Variants in EIF2AK3 observed in about 807,000 individuals in gnomAD.
The protein encoded by EIF2AK3 is eukaryotic translation initiation factor 2-alpha kinase 3.
A neutral mutation model predicts 113.5 loss-of-function variants in EIF2AK3; 50 were observed. That is an observed-to-expected ratio of 0.44 (90% CI 0.35 to 0.56). EIF2AK3 has a LOEUF of 0.56. Among genes scored for constraint, EIF2AK3 ranks in the 20% least tolerant of loss-of-function variants. The pLI, the probability that EIF2AK3 is intolerant of heterozygous loss-of-function variation, is 0.00. For missense variants in EIF2AK3, 1,185 were observed against 1,378.0 expected, an observed-to-expected ratio of 0.86 and a Z score of 2.22; for synonymous variants, 448 against 495.4, an observed-to-expected ratio of 0.90 and a Z score of 1.27.
chr2:88,602,356 G>A (rs1214242519), intron 2 of EIF2AK3, among the ~76,000 whole-genome samples: 1 of 152,058 alleles, frequency 6.6e-6, no homozygotes, highest in Non-Finnish European at 1.5e-5. Context: ...CCCTAACCAG[G>A]AACACACTGG....
intron 12 of EIF2AK3, 34 bp downstream of exon 12, chr2:88,576,520 C>T: frequency 6.2e-7 from 1 of 1,612,552 alleles, no homozygotes. Flanking sequence ...AAGCAAAAAA[C>T]TAGCTTAAGT....
rs749626188 is a variant in EIF2AK3 at position 88,590,903 on chromosome 2, A to T, written c.917T>A (p.Met306Lys). The T allele has an allele frequency of 6.2e-7, 1 of 1,614,078 alleles. No homozygotes were observed. Among genetic ancestry groups the T allele is most frequent in the Non-Finnish European group, 8.5e-7 (1 of 1,179,988 alleles). Residue 306 changes from methionine (M) to lysine (K), a missense_variant, in exon 5 of 17, where the codon ATG becomes AAG. Coordinates refer to ENST00000303236, the MANE Select transcript of EIF2AK3 (RefSeq NM_004836.7). ...SDVEEQEAAI[M>K]DIVIKVSVAD... ...AACCGAAACCTTTATCACTATGTCC[A>T]TTATGGCAGCTTCCTGTTCTTCCAC...
chr2:88,591,858 T>C (rs1420030810), intron 4 of EIF2AK3, among the ~76,000 whole-genome samples: 1 of 152,146 alleles, frequency 6.6e-6, no homozygotes, highest in Admixed American at 6.5e-5. Context: ...CATCTGCTGC[T>C]ATGGTGGCTG....
At chr2:88,590,736 A>G in intron 5 of EIF2AK3, 82 bp downstream of exon 5, 1 of 1,571,192 alleles carries the variant, frequency 6.4e-7, no homozygotes, top group Non-Finnish European at 8.8e-7. Context: ...AAGTAGTAGT[A>G]ATTTCGTTCC....
intron 10 of EIF2AK3, among the ~76,000 whole-genome samples, chr2:88,582,462 G>A (rs922046480): frequency 1.3e-5 from 2 of 152,148 alleles, no homozygotes; most frequent in Non-Finnish European, 2.9e-5. Context: ...CGGCTGAGGT[G>A]TTGTTCTCCA....
intron 1 of EIF2AK3, among the ~76,000 whole-genome samples, chr2:88,617,755 C>CAAA (rs34207001): frequency 4.1e-5 from 6 of 145,436 alleles, no homozygotes; most frequent in African/African-American, 1.3e-4. Flanking sequence ...GACTCCATCT[C>CAAA]AAAAAAAAAA....
At chr2:88,609,704 G>A (rs1675380832) in intron 2 of EIF2AK3, among the ~76,000 whole-genome samples, 1 of 151,950 alleles carries the variant, frequency 6.6e-6, no homozygotes, top group Non-Finnish European at 1.5e-5. Flanking sequence ...AAGTCAACTG[G>A]GTATTTGGTA....
intron 1 of EIF2AK3, among the ~76,000 whole-genome samples, chr2:88,626,470 A>T (rs1675860723): frequency 6.6e-6 from 1 of 152,216 alleles, no homozygotes; most frequent in Non-Finnish European, 1.5e-5. Context: ...ATTCGGATGC[A>T]GGTGTTCCGC....
intron 11 of EIF2AK3, 46 bp downstream of exon 11, chr2:88,579,472 A>G (rs372145962): frequency 6.2e-7 from 1 of 1,610,510 alleles, no homozygotes; most frequent in African/African-American, 1.3e-5. Context: ...ATGAGATTAG[A>G]TCACACTGTG....
intron 6 of EIF2AK3, among the ~76,000 whole-genome samples, chr2:88,589,192 C>T (rs1674818548): frequency 6.6e-6 from 1 of 152,140 alleles, no homozygotes; most frequent in African/African-American, 2.4e-5. Flanking sequence ...ACTGTACTCT[C>T]ACAAAACAAA....
intron 1 of EIF2AK3, among the ~76,000 whole-genome samples, chr2:88,623,205 C>T (rs1288902086): frequency 6.6e-6 from 1 of 152,176 alleles, no homozygotes; most frequent in African/African-American, 2.4e-5. Flanking sequence ...TGGTAATTCA[C>T]AAAATTACAT....
intron 16 of EIF2AK3, 124 bp from the exon 17 acceptor site, chr2:88,558,060 C>T (rs1295083951): frequency 3.2e-6 from 3 of 950,048 alleles, no homozygotes; most frequent in African/African-American, 3.3e-5. Context: ...TTCGAGTTTT[C>T]AAGTCTCTGA....
intron 3 of EIF2AK3, among the ~76,000 whole-genome samples, chr2:88,594,907 C>A (rs938230052): frequency 2.7e-5 from 4 of 146,624 alleles, no homozygotes; most frequent in Non-Finnish European, 6.0e-5. Context: ...AAAAAAAGAA[C>A]CTGAGGCTGG....
At chr2:88,581,988 C>T (rs1050314575) in intron 10 of EIF2AK3, among the ~76,000 whole-genome samples, 6 of 152,110 alleles carry the variant, frequency 3.9e-5, no homozygotes, top group African/African-American at 1.4e-4. Context: ...TCTCCCATAG[C>T]CAGTATTTAC....
intron 15 of EIF2AK3, among the ~76,000 whole-genome samples, chr2:88,561,951 C>T (rs537196355): frequency 6.6e-6 from 1 of 152,168 alleles, no homozygotes; most frequent in Non-Finnish European, 1.5e-5. Context: ...GCTTAATCTG[C>T]CAGCTTTTAA....
intron 1 of EIF2AK3, among the ~76,000 whole-genome samples, chr2:88,623,223 T>C (rs990541263): frequency 6.6e-6 from 1 of 152,228 alleles, no homozygotes; most frequent in African/African-American, 2.4e-5. Flanking sequence ...CATAAACATA[T>C]GTAAAATCTA....
In EIF2AK3 at chr2:88,627,242, T is replaced by C. The variant is rs1675893838; in HGVS notation, c.33A>G (p.Val11=). ...GCAGCAGCAGCAGCAGCAGCGCCCG[T>C]ACCAGCAGCCCCGGGCTGATGGCGC... MERAISPGLL[V]RALLLLLLLL... Residue 11 remains valine, a synonymous_variant, in exon 1 of 17, where the codon GTA becomes GTG. Transcript: ENST00000303236. The C allele has an allele frequency of 1.3e-6, 2 of 1,482,300 alleles. No homozygotes were observed. The highest frequency in any genetic ancestry group is 2.5e-5 in the South Asian group (2 of 79,182). 91.8% of individuals were successfully genotyped at this position (1,482,300 alleles called of 1,614,324 possible).
chr2:88,558,995 G>C lies in EIF2AK3; in HGVS notation c.3088-16C>G. On this transcript the variant is annotated splice_polypyrimidine_tract_variant and intron_variant, in intron 15 of 16. Coordinates refer to ENST00000303236, the MANE Select transcript of EIF2AK3 (RefSeq NM_004836.7). Reference sequence around the variant, plus strand: ...CAGTTAAGGTCTAAAAAGAAAAAAAGTATCACTTATTAAGTTTATTTTGAC... The same window carrying C: ...CAGTTAAGGTCTAAAAAGAAAAAAACTATCACTTATTAAGTTTATTTTGAC... 1 of 1,518,600 alleles carries C rather than the reference G, an allele frequency of 6.6e-7. No individual in the cohort carries two copies. The highest frequency in any genetic ancestry group is 9.1e-7 in the Non-Finnish European group (1 of 1,097,804). 94.1% of individuals were successfully genotyped at this position (1,518,600 alleles called of 1,614,324 possible).
chr2:88,607,440 T>G (rs1675307795), intron 2 of EIF2AK3, among the ~76,000 whole-genome samples: 1 of 152,318 alleles, frequency 6.6e-6, no homozygotes, highest in East Asian at 1.9e-4. Context: ...TTTAGGTGCA[T>G]TATTTATTCT....
Sources: gnomAD v4.1 joint callset for allele counts (sites outside exome capture counted in the v4.1 genomes callset) on GRCh38, gnomAD v4.1.1 for gene constraint, MANE v1.5 for transcripts, NCBI Gene and HGNC (gene_info 2026-07-23, HGNC 2026-07-21) for gene names.